The following FAAH2 variants were observed in gnomAD, a reference collection of about 807,000 sequenced individuals.
FAAH2 encodes the protein fatty acid amide hydrolase 2, also known as fatty-acid amide hydrolase 2.
A neutral mutation model predicts 36.9 loss-of-function variants in FAAH2; 60 were observed. The ratio of observed to expected loss-of-function variants is 1.63; its 90% CI spans 1.32 to 2.02. The LOEUF is 2.02. FAAH2 is among the 30% of genes most tolerant of loss of function. FAAH2 has a pLI of 0.00. For missense variants in FAAH2, 689 were observed against 397.5 expected (o/e 1.73, Z -6.23); for synonymous variants, 214 against 143.8 (o/e 1.49, Z -3.49).
intron 7 of FAAH2, among the ~76,000 whole-genome samples, chrX:57,386,426 T>C (rs1446416403): frequency 1.8e-5 from 2 of 111,564 alleles, no homozygotes; most frequent in African/African-American, 3.3e-5. Flanking sequence ...AGAATGCTAG[T>C]GGCAAAGCAA....
chrX:57,134,923 A>G, the FAAH2 span: 1 of 111,927 alleles, frequency 8.9e-6, no homozygotes, highest in African/African-American at 3.3e-5. Flanking sequence ...CATTCCTGTC[A>G]ACATGCTCTT....
At chrX:57,145,456 A>T in the FAAH2 span, among the ~76,000 whole-genome samples, 7 of 111,897 alleles carry the variant, frequency 6.3e-5, no homozygotes, top group Middle Eastern at 4.6e-3. Context: ...TCCGGATATT[A>T]GTCCTCTGTT....
chrX:57,275,108 A>C, the FAAH2 span, among the ~76,000 whole-genome samples: 2 of 111,710 alleles, frequency 1.8e-5, no homozygotes, highest in Non-Finnish European at 3.8e-5. Flanking sequence ...TTATACACCA[A>C]TAACAGACAA....
chrX:57,224,979 G>A, the FAAH2 span, among the ~76,000 whole-genome samples: 1 of 112,186 alleles, frequency 8.9e-6, no homozygotes, highest in African/African-American at 3.2e-5. Context: ...AGTGGTGTTA[G>A]TTGAAATATC....
the FAAH2 span, among the ~76,000 whole-genome samples, chrX:57,157,873 A>C: frequency 7.4e-5 from 8 of 108,036 alleles, no homozygotes; most frequent in South Asian, 1.2e-3. Context: ...TTATACTTTA[A>C]GTTTTAGGGT....
At chrX:57,259,049 T>C in the FAAH2 span, among the ~76,000 whole-genome samples, 1 of 110,837 alleles carries the variant, frequency 9.0e-6, no homozygotes, top group Admixed American at 9.7e-5. Context: ...ACTACAATGA[T>C]ATATCACCTT....
intron 3 of FAAH2, among the ~76,000 whole-genome samples, chrX:57,317,585 C>T (rs1196262033): frequency 9.0e-6 from 1 of 111,548 alleles, no homozygotes; most frequent in Non-Finnish European, 1.9e-5. Flanking sequence ...TAACACCCCA[C>T]TGTCACTATT....
intron 7 of FAAH2, among the ~76,000 whole-genome samples, chrX:57,413,483 C>T (rs1264951633): frequency 8.9e-6 from 1 of 111,843 alleles, no homozygotes; most frequent in Admixed American, 9.5e-5. Context: ...ATAGGGAATC[C>T]TTTCCCCATT....
chrX:57,356,820 G>A (rs1302690829), intron 5 of FAAH2, among the ~76,000 whole-genome samples: 1 of 109,909 alleles, frequency 9.1e-6, no homozygotes, highest in Non-Finnish European at 1.9e-5. Flanking sequence ...GTTAAGTTCT[G>A]GGATACATGT....
At chrX:57,381,691 C>A (rs1323006024) in intron 7 of FAAH2, 1 of 126,675 alleles carries the variant, frequency 7.9e-6, no homozygotes, top group Non-Finnish European at 1.5e-5. Flanking sequence ...TCCTTAGAGA[C>A]CTACAAAGAG....
the FAAH2 span, among the ~76,000 whole-genome samples, chrX:57,233,306 A>G: frequency 4.5e-5 from 5 of 111,645 alleles, no homozygotes; most frequent in East Asian, 1.4e-3. Context: ...AGCTGGGCAA[A>G]ATACCCGCCA....
At chrX:57,239,153 G>A in the FAAH2 span, among the ~76,000 whole-genome samples, 2 of 111,582 alleles carry the variant, frequency 1.8e-5, no homozygotes, top group African/African-American at 6.5e-5. Flanking sequence ...AATAGTTTCA[G>A]TGGCAATGGT....
the FAAH2 span, among the ~76,000 whole-genome samples, chrX:57,159,747 A>G: frequency 3.6e-5 from 4 of 111,840 alleles, no homozygotes; most frequent in African/African-American, 9.7e-5. Flanking sequence ...GGCTGAGACA[A>G]TGGGATTTTC....
At chrX:57,400,529 G>A (rs763522063) in intron 7 of FAAH2, among the ~76,000 whole-genome samples, 2 of 112,336 alleles carry the variant, frequency 1.8e-5, no homozygotes, top group South Asian at 3.7e-4. Context: ...TCTGCTTCAG[G>A]TGTCCATCTT....
chrX:57,152,453 T>A, the FAAH2 span, among the ~76,000 whole-genome samples: 1 of 112,853 alleles, frequency 8.9e-6, no homozygotes, highest in Non-Finnish European at 1.9e-5. Context: ...GTTTACCTAA[T>A]CAAGCCTGGG....
intron 7 of FAAH2, among the ~76,000 whole-genome samples, chrX:57,389,264 A>G (rs1234983482): frequency 1.6e-5 from 1 of 62,055 alleles, no homozygotes; most frequent in African/African-American, 5.1e-5. Flanking sequence ...ATACACACGC[A>G]CACACACACA....
chrX:57,283,351 T>C (rs947435439), upstream of FAAH2, among the ~76,000 whole-genome samples: 1 of 111,457 alleles, frequency 9.0e-6, no homozygotes, highest in Non-Finnish European at 1.9e-5. Context: ...AACTGTGCTG[T>C]TGGCCTGAGG....
In FAAH2 at chrX:57,341,898, G is replaced by GT. The variant is rs757348340; in HGVS notation, c.742+514dup. ...GAAACTCCAGTTATTGGCATTTACT[G>GT]TTTTTTCAATGAATTCAAGGAGTAT... is the stretch of plus-strand genomic sequence containing the variant. On this transcript the variant is annotated intron_variant, in intron 5 of 10. Transcript: ENST00000374900. Among the ~76,000 whole-genome samples the GT allele has an allele frequency of 5.6e-3, 624 of 111,318 alleles. 5 individuals are homozygous for GT. The highest frequency in any genetic ancestry group is 0.02 in the African/African-American group (602 of 30,692).
At chrX:57,231,034 A>AGTGTGTGTGTGTGTGTGTGT in the FAAH2 span, among the ~76,000 whole-genome samples, 41 of 94,458 alleles carry the variant, frequency 4.3e-4, 1 homozygote, top group South Asian at 1.1e-3. Context: ...CTCCAAAGGA[A>AGTGTGTGTGTGTGTGTGTGT]GTGTGTGTGT....
Sources: gnomAD v4.1 joint callset for allele counts (sites outside exome capture counted in the v4.1 genomes callset) on GRCh38, gnomAD v4.1.1 for gene constraint, MANE v1.5 for transcripts, NCBI Gene and HGNC (gene_info 2026-07-23, HGNC 2026-07-21) for gene names.